Variants in HIVEP3 observed in about 807,000 individuals in gnomAD.
HIVEP3 encodes HIVEP zinc finger 3.
In HIVEP3, 49 loss-of-function variants were observed where a neutral mutation model predicts 152.8. That is an observed-to-expected ratio of 0.32 (90% confidence interval 0.26 to 0.41). The LOEUF is 0.41. Ranked by LOEUF, HIVEP3 falls within the 10% of genes least tolerant of loss-of-function variation. HIVEP3 has a pLI of 1.00. For missense variants in HIVEP3, 2,790 were observed against 3,103.3 expected, an observed-to-expected ratio of 0.90 and a Z score of 2.40; for synonymous variants, 1,269 against 1,289.0, an observed-to-expected ratio of 0.98 and a Z score of 0.33.
At chr1:41,859,666 T>G (rs1440718413) in intron 1 of HIVEP3, among the ~76,000 whole-genome samples, 1 of 152,224 alleles carries the variant, frequency 6.6e-6, no homozygotes, top group Non-Finnish European at 1.5e-5. Context: ...AAGAAATAGG[T>G]GTGAGCCCAT....
Position 41,581,247 on chromosome 1 carries a change from G to A in HIVEP3, c.3551C>T (p.Ser1184Phe). 1 of 1,590,402 alleles carries A rather than the reference G, an allele frequency of 6.3e-7. No homozygotes were observed. Among genetic ancestry groups the A allele is most frequent in the Non-Finnish European group, 8.6e-7 (1 of 1,168,858 alleles). The change falls in exon 4 of 9, where the codon TCC becomes TTC. Residue 1184 changes from serine to phenylalanine, a missense_variant. Physicochemically the swap from Ser to Phe is radical, Grantham distance 155. Around this residue, in one of 9 missense-constraint regions of HIVEP3, gnomAD observed 1,078 missense variants for 1,165.3 expected, o/e 0.93. Transcript: ENST00000372583. The surrounding 1 kb of genome is among the most constrained non-coding windows in gnomAD (Gnocchi z 4.5). ...AGGAAGCGGTGGGGCTTGAAATAAG[G>A]AGGGAGGAAGTGGGGGCATGGAGTA... is the stretch of plus-strand genomic sequence containing the variant. ...SPYSMPPLPP[S>F]LFQAPPLPLQ...
intron 2 of HIVEP3, among the ~76,000 whole-genome samples, chr1:41,690,404 G>A (rs923590551): frequency 6.6e-6 from 1 of 152,218 alleles, no homozygotes; most frequent in African/African-American, 2.4e-5. Context: ...GAGATTGTGG[G>A]GACACTGAAT....
At position 41,927,855 on chromosome 1, in the gene HIVEP3, T is replaced by G. The variant is rs542426174; in HGVS notation, n.120-9331A>C. 6.6e-5 allele frequency among the ~76,000 whole-genome samples: 10 copies of G among 150,512 alleles called. No homozygotes were observed. The East Asian group carries it at 1.6e-3, about 24-fold the overall frequency. On this transcript the variant is annotated intron_variant and non_coding_transcript_variant, in intron 1 of 3. Transcript: ENST00000489103. Reference sequence around the variant, plus strand: ...GGTGGGCAGATCACGAAGTCAGGAGTTCAAGACTAGCCTGGCCAACATGGT... The same window carrying G: ...GGTGGGCAGATCACGAAGTCAGGAGGTCAAGACTAGCCTGGCCAACATGGT...
At chr1:41,952,448 T>C (rs1481595620) in intron 1 of HIVEP3, among the ~76,000 whole-genome samples, 1 of 152,152 alleles carries the variant, frequency 6.6e-6, no homozygotes, top group Non-Finnish European at 1.5e-5. Context: ...ATTCATTCAT[T>C]CATTGTGAAG....
chr1:41,718,433 A>G (rs989734683), intron 1 of HIVEP3, among the ~76,000 whole-genome samples: 1 of 152,212 alleles, frequency 6.6e-6, no homozygotes, highest in Admixed American at 6.5e-5. Flanking sequence ...AAGATAATCT[A>G]CGTAAAGTGC....
chr1:41,619,650 G>C (rs1645018445), intron 3 of HIVEP3, among the ~76,000 whole-genome samples: 1 of 152,190 alleles, frequency 6.6e-6, no homozygotes, highest in Non-Finnish European at 1.5e-5. Flanking sequence ...ACTGGTATGG[G>C]TGTTAGGAGT....
intron 1 of HIVEP3, among the ~76,000 whole-genome samples, chr1:41,708,037 T>C (rs1344086430): frequency 6.6e-6 from 1 of 152,122 alleles, no homozygotes; most frequent in Non-Finnish European, 1.5e-5. Context: ...CTTGTTAGAA[T>C]TTCTAGAGTG....
intron 2 of HIVEP3, among the ~76,000 whole-genome samples, chr1:41,645,897 T>C (rs897718543): frequency 6.6e-6 from 1 of 152,170 alleles, no homozygotes; most frequent in African/African-American, 2.4e-5. Context: ...TGTTCCCTCA[T>C]CTATAAAATA....
chr1:41,812,007 G>A (rs759034586), intron 1 of HIVEP3, among the ~76,000 whole-genome samples: 4 of 152,132 alleles, frequency 2.6e-5, no homozygotes, highest in Non-Finnish European at 4.4e-5. Context: ...AAGACAGAAG[G>A]CACTCAGTTG....
At chr1:41,633,850 C>CG (rs1645231685) in intron 2 of HIVEP3, among the ~76,000 whole-genome samples, 5 of 152,170 alleles carry the variant, frequency 3.3e-5, no homozygotes, top group Admixed American at 3.3e-4. Context: ...CTGGAATCAG[C>CG]ACCCTCCCTT....
intron 1 of HIVEP3, among the ~76,000 whole-genome samples, chr1:41,895,097 T>A (rs976292442): frequency 6.6e-6 from 1 of 151,898 alleles, no homozygotes; most frequent in African/African-American, 2.4e-5. Flanking sequence ...GAAAACTTGA[T>A]CCTTTTATGA....
At position 41,583,292 on chromosome 1, in the gene HIVEP3, G is replaced by A. The variant is rs1278563484; in HGVS notation, c.1506C>T (p.Ser502=). Residue 502 remains serine (S), a synonymous_variant, in exon 4 of 9, where the codon TCC becomes TCT. Coordinates refer to ENST00000372583, the MANE Select transcript of HIVEP3 (RefSeq NM_024503.5). This position sits in a 1 kb window ranked among gnomAD's most constrained non-coding sequence, Gnocchi z 6.9. ...SRRSSMESPK[S]SLYREPLSSH... ...ATGACAGGGGCTCCCGGTAGAGGCTGGATTTTGGGGACTCCATGCTGCTGC... is the reference window on the plus strand; with the variant it reads ...ATGACAGGGGCTCCCGGTAGAGGCTAGATTTTGGGGACTCCATGCTGCTGC... 1.9e-6 allele frequency: 3 copies of A among 1,612,812 alleles called. No individual in the cohort carries two copies. Among genetic ancestry groups the A allele is most frequent in the Non-Finnish European group, 2.5e-6 (3 of 1,179,550 alleles).
At chr1:41,567,186 C>T (rs1190681127) in intron 5 of HIVEP3, among the ~76,000 whole-genome samples, 4 of 152,238 alleles carry the variant, frequency 2.6e-5, no homozygotes, top group Non-Finnish European at 4.4e-5. Flanking sequence ...GTGGTTACTA[C>T]AAGAAATACG....
At chr1:41,772,860 A>G (rs1969213) in intron 1 of HIVEP3, among the ~76,000 whole-genome samples, 51,672 of 152,066 alleles carry the variant, frequency 0.34, 10,797 homozygotes, top group Non-Finnish European at 0.47. Flanking sequence ...GAGCCGAGAT[A>G]GTGCCACTGC....
intron 2 of HIVEP3, among the ~76,000 whole-genome samples, chr1:41,666,639 C>A (rs1645800597): frequency 6.6e-6 from 1 of 152,176 alleles, no homozygotes; most frequent in Non-Finnish European, 1.5e-5. Flanking sequence ...TCTTCTCAAG[C>A]CCGAAGCCAG....
intron 1 of HIVEP3, among the ~76,000 whole-genome samples, chr1:41,850,484 A>T (rs1291531036): frequency 1.3e-5 from 2 of 152,226 alleles, no homozygotes; most frequent in East Asian, 3.8e-4. Flanking sequence ...GAAACAATCA[A>T]TAGAACCCAA....
chr1:42,004,127 G>A (rs1156278071), intron 1 of HIVEP3, among the ~76,000 whole-genome samples: 2 of 152,284 alleles, frequency 1.3e-5, no homozygotes, highest in African/African-American at 4.8e-5. Context: ...CCAGGTGGTG[G>A]AGCAGGCCCC....
chr1:41,962,902 G>A (rs114802204), intron 1 of HIVEP3, among the ~76,000 whole-genome samples: 2,444 of 152,268 alleles, frequency 0.016, 40 homozygotes, highest in Non-Finnish European at 0.021. Flanking sequence ...ATGGAGACCC[G>A]TCCTGTGCAT....
chr1:41,926,418 TC>T (rs1478643726), intron 1 of HIVEP3, among the ~76,000 whole-genome samples: 1 of 152,204 alleles, frequency 6.6e-6, no homozygotes, highest in Non-Finnish European at 1.5e-5. Context: ...CTAGCTTCTA[TC>T]CTTTGTAATT....
Sources: allele counts gnomAD v4.1 joint callset (sites outside exome capture counted in the v4.1 genomes callset), GRCh38; gene constraint gnomAD v4.1.1; regional missense constraint gnomAD v4.1.1; non-coding constraint Gnocchi (gnomAD v3.1); transcripts MANE v1.5; gene names NCBI Gene and HGNC (gene_info 2026-07-23, HGNC 2026-07-21).